Variants in TTN observed in about 807,000 individuals in gnomAD.
The protein encoded by TTN is titin.
TTN carries 1,525 observed loss-of-function variants against 3,223.0 expected under a neutral mutation model. The observed-to-expected ratio is 0.47, with a 90% confidence interval of 0.45 to 0.49. The LOEUF (loss-of-function observed/expected upper bound fraction) is 0.49. Ranked by LOEUF, TTN falls within the 20% of genes least tolerant of loss-of-function variation. The pLI, the probability that TTN is intolerant of heterozygous loss-of-function variation, is 0.00. For synonymous variants in TTN, 14,094 were observed against 15,161.0 expected (o/e 0.93, Z 5.17); for missense variants, 40,786 against 43,424.0 (o/e 0.94, Z 5.40).
chr2:178,554,921 A>G lies in TTN; in HGVS notation c.88538T>C (p.Leu29513Ser), dbSNP rs1318031463. 6.2e-7 allele frequency: 1 copy of G among 1,613,826 alleles called. No homozygotes were observed. The highest frequency in any genetic ancestry group is 8.5e-7 in the Non-Finnish European group (1 of 1,179,844). The stretch of plus-strand genomic sequence containing the variant: ...TGAGCCCATGGCATTCCTTAGTTTT[A>G]ATTCATAGCATCCACTATTAAGGCG... The part of the protein sequence containing the change: ...ADRLNSGCYE[L>S]KLRNAMGSAS... Residue 29513 changes from leucine (L) to serine (S), a missense_variant, in exon 331 of 363, where the codon TTA (leucine) becomes TCA (serine). Coordinates refer to ENST00000589042, the MANE Select transcript of TTN (RefSeq NM_001267550.2).
chr2:178,796,241 C>CT (rs1482546367), intron 6 of TTN, among the ~76,000 whole-genome samples: 1 of 152,146 alleles, frequency 6.6e-6, no homozygotes, highest in African/African-American at 2.4e-5. Context: ...CTTAATAAGG[C>CT]TTATTACATT....
Position 178,597,775 on chromosome 2 carries a change from C to T in TTN, c.57307G>A (p.Val19103Ile). 6 of 1,613,184 alleles carry T rather than the reference C, an allele frequency of 3.7e-6. No homozygotes were observed. Among genetic ancestry groups the T allele is most frequent in the Non-Finnish European group, 5.1e-6 (6 of 1,179,542 alleles). ...QLDASVRDRI[V>I]VHAGGVIRII... ...CGGATCACCCCTCCAGCATGGACAA[C>T]AATTCTATCTCTGACACTGGCATCT... The change falls in exon 294 of 363, where the codon GTT (valine) becomes ATT (isoleucine). Residue 19103 changes from valine to isoleucine, a missense_variant. By Grantham distance (29) the Val-to-Ile change is conservative. Coordinates refer to ENST00000589042, the MANE Select transcript of TTN (RefSeq NM_001267550.2).
At chr2:178,795,764 AT>A (rs1293993408) in intron 6 of TTN, among the ~76,000 whole-genome samples, 1 of 151,886 alleles carries the variant, frequency 6.6e-6, no homozygotes, top group Non-Finnish European at 1.5e-5. Context: ...AGCCTTTACT[AT>A]GTCAGTATGC....
At chr2:178,631,544 A>T (rs1476798866) in intron 236 of TTN, among the ~76,000 whole-genome samples, 1 of 152,094 alleles carries the variant, frequency 6.6e-6, no homozygotes, top group Non-Finnish European at 1.5e-5. Flanking sequence ...AACAGTAGCT[A>T]AAAAGACTGA....
intron 47 of TTN, chr2:178,748,666 C>T (rs2084406171): frequency 2.5e-6 from 4 of 1,612,722 alleles, no homozygotes; most frequent in African/African-American, 1.3e-5. Flanking sequence ...GAGTGTGAAA[C>T]TGCTTTAAGT....
Position 178,792,098 on chromosome 2 carries a change from T to C in TTN, c.1636A>G (p.Lys546Glu). ...ETRISEEITK[K>E]QKQVTQEAIR... is the part of the protein sequence containing the mutation. ...GCTTCTTGAGTTACTTGTTTCTGTTTCTTAGTAATTTCTTCAGAAATTCTA... is the reference window on the plus strand; with the variant it reads ...GCTTCTTGAGTTACTTGTTTCTGTTCCTTAGTAATTTCTTCAGAAATTCTA... Residue 546 changes from lysine to glutamate, a missense_variant, in exon 10 of 363, where the codon AAA becomes GAA. Transcript: ENST00000589042. 1 of 1,612,732 alleles carries C rather than the reference T, an allele frequency of 6.2e-7. No homozygotes were observed. Among genetic ancestry groups the C allele is most frequent in the Non-Finnish European group, 8.5e-7 (1 of 1,179,372 alleles).
chr2:178,553,721 C>A lies in TTN; in HGVS notation c.89284G>T (p.Gly29762Trp), dbSNP rs369701999. 3 of 1,613,684 alleles carry A rather than the reference C, an allele frequency of 1.9e-6. No homozygotes were observed. The South Asian group carries it at 3.3e-5, about 18-fold the overall frequency. Residue 29762 changes from glycine (G) to tryptophan (W), a missense_variant, in exon 334 of 363, where the codon GGG becomes TGG. Physicochemically the swap from Gly to Trp is radical, Grantham distance 184. Coordinates refer to ENST00000589042, the MANE Select transcript of TTN (RefSeq NM_001267550.2). ...TLGWSKPVYD[G>W]GSAVTGYVVE... is the part of the protein sequence containing the mutation. Reference sequence around the variant, plus strand: ...ACATACCCAGTAACAGCACTGCCCCCATCATAGACAGGCTTACTCCAGCCA... The same window carrying A: ...ACATACCCAGTAACAGCACTGCCCCAATCATAGACAGGCTTACTCCAGCCA...
intron 222 of TTN, 39 bp downstream of exon 222, chr2:178,640,008 GA>G (rs1198807758): frequency 6.2e-7 from 1 of 1,605,534 alleles, no homozygotes; most frequent in Admixed American, 1.7e-5. Flanking sequence ...TGTGAATACA[GA>G]AAGAATATGC....
rs201390600 is a variant in TTN, at chr2:178,631,062, A to G, written c.43986T>C (p.Asp14662=). The G allele has an allele frequency of 2.5e-6, 4 of 1,613,122 alleles. No homozygotes were observed. Among genetic ancestry groups the G allele is most frequent in the Non-Finnish European group, 2.5e-6 (3 of 1,179,592 alleles). ...CAATGTCAAGTTTTCCTGAGGTCTTATCTGTCCCACAGTCACAGGTGTACT... is the reference window on the plus strand; with the variant it reads ...CAATGTCAAGTTTTCCTGAGGTCTTGTCTGTCCCACAGTCACAGGTGTACT... ...IGQYTCDCGT[D]KTSGKLDIED... is the part of the protein sequence containing the mutation. The change falls in exon 237 of 363, where the codon GAT becomes GAC. Residue 14662 remains aspartate (D), a synonymous_variant. Transcript: ENST00000589042.
rs768345594 is a variant in TTN, at chr2:178,585,291, G to T, written c.64453C>A (p.Arg21485=). Residue 21485 remains arginine, a synonymous_variant, in exon 309 of 363, where the codon CGA becomes AGA. Coordinates refer to ENST00000589042, the MANE Select transcript of TTN (RefSeq NM_001267550.2). Reference sequence around the variant, plus strand: ...TTTCCATACACATGGGCTTCAATTCGGAGTTTTTTCCCAGCTTTGATAGTT... The same window carrying T: ...TTTCCATACACATGGGCTTCAATTCTGAGTTTTTTCCCAGCTTTGATAGTT... ...QITIKAGKKL[R]IEAHVYGKPH... is the part of the protein sequence containing the mutation. 62 of 1,611,460 alleles carry T rather than the reference G, an allele frequency of 3.8e-5. No homozygotes were observed. In the East Asian group the frequency reaches 1.3e-3, roughly 34 times the overall value.
chr2:178,729,975 A>T (rs1226487999), intron 62 of TTN, 30 bp from the exon 63 acceptor site: 1 of 1,601,272 alleles, frequency 6.2e-7, no homozygotes, highest in Non-Finnish European at 8.5e-7. Flanking sequence ...TGTGATGTTG[A>T]ATATTTTTAA....
chr2:178,764,933 G>A (rs1273703969), intron 41 of TTN, 122 bp from the exon 42 acceptor site: 5 of 1,147,994 alleles, frequency 4.4e-6, no homozygotes, highest in Non-Finnish European at 6.2e-6. Context: ...TTGGAATTGT[G>A]GTATTTTTAC....
rs149492487 is a variant in TTN, at chr2:178,767,872, G to A, written c.9358C>T (p.Arg3120Trp). Residue 3120 changes from arginine (R) to tryptophan (W), a missense_variant, in exon 40 of 363, where the codon CGG (arginine) becomes TGG (tryptophan). Transcript: ENST00000589042. ...YVHRLLIPST[R>W]MSDAGKYTVV... Reference sequence around the variant, plus strand: ...GTGTACTTCCCAGCATCAGACATCCGGGTGGATGGGATCAGAAGGCGGTGG... The same window carrying A: ...GTGTACTTCCCAGCATCAGACATCCAGGTGGATGGGATCAGAAGGCGGTGG... 1.4e-5 allele frequency: 23 copies of A among 1,614,058 alleles called. 1 individual carries two copies. The highest frequency in any genetic ancestry group is 1.1e-4 in the African/African-American group (8 of 75,026).
intron 25 of TTN, 27 bp downstream of exon 25, chr2:178,777,677 T>G: frequency 6.2e-7 from 1 of 1,613,966 alleles, no homozygotes. Context: ...TTTTTATGAT[T>G]CATGAGCAAA....
chr2:178,729,324 C>T lies in TTN; in HGVS notation c.18832G>A (p.Gly6278Ser), dbSNP rs397517488. 1.6e-5 allele frequency: 26 copies of T among 1,611,912 alleles called. No homozygotes were observed. The highest frequency in any genetic ancestry group is 1.6e-4 in the Middle Eastern group (1 of 6,068). The stretch of plus-strand genomic sequence containing the variant: ...ACTCTAGTACTGCATGAGCAGCTGC[C>T]GCCTTCATTGGATACAATGCACTGG... Reference protein sequence around the residue: ...EYQCIVSNEGGSCSCSTRVAL... With the variant: ...EYQCIVSNEGSSCSCSTRVAL... Residue 6278 changes from glycine to serine, a missense_variant, in exon 64 of 363, where the codon GGC becomes AGC. By Grantham distance (56) the Gly-to-Ser change is moderately conservative. Transcript: ENST00000589042.
In TTN at chr2:178,569,542, T is replaced by A. The variant is rs184034300; in HGVS notation, c.76590A>T (p.Leu25530Phe). The change falls in exon 326 of 363, where the codon TTA becomes TTT. Residue 25530 changes from leucine to phenylalanine, a missense_variant. Transcript: ENST00000589042. ...TAGGACGACCTTTTATAGGAACAAA[T>A]AACCTTAAGGAGCCACCTGCCCTTA... ...INIRAGGSLRLFVPIKGRPTP... is the reference protein window; with the variant it reads ...INIRAGGSLRFFVPIKGRPTP... 139 of 1,612,788 alleles carry A rather than the reference T, an allele frequency of 8.6e-5. No individual in the cohort carries two copies. Among genetic ancestry groups the A allele is most frequent in the African/African-American group, 2.7e-5 (2 of 74,882 alleles).
intron 98 of TTN, 92 bp from the exon 99 acceptor site, chr2:178,709,948 T>A (rs1248407672): frequency 7.4e-7 from 1 of 1,354,464 alleles, no homozygotes; most frequent in Admixed American, 2.5e-5. Flanking sequence ...ATATTTTTAG[T>A]TAAAAATCAA....
intron 81 of TTN, 31 bp downstream of exon 81, chr2:178,719,952 A>G: frequency 1.3e-6 from 2 of 1,555,866 alleles, no homozygotes; most frequent in Non-Finnish European, 1.7e-6. Flanking sequence ...AAGTAAATTG[A>G]TTTTTTCTCT....
rs538959125 is a variant in TTN at position 178,714,553 on chromosome 2, T to C, written c.26221A>G (p.Lys8741Glu). The change falls in exon 91 of 363, where the codon AAG becomes GAG. Residue 8741 changes from lysine (K) to glutamate (E), a missense_variant. Transcript: ENST00000589042. ...ALKAPPRFVK[K>E]LSDISTVVGK... is the part of the protein sequence containing the mutation. The stretch of plus-strand genomic sequence containing the variant: ...ACGACAGTAGATATGTCACTGAGCT[T>C]CTTCACAAATCTTGGTGGTGCTGAT... 3.2e-5 allele frequency: 52 copies of C among 1,603,650 alleles called. No individual in the cohort carries two copies. In the East Asian group the frequency reaches 1.0e-3, roughly 32 times the overall value.
Sources: gnomAD v4.1 joint callset for allele counts (sites outside exome capture counted in the v4.1 genomes callset) on GRCh38, gnomAD v4.1.1 for gene constraint, MANE v1.5 for transcripts, NCBI Gene and HGNC (gene_info 2026-07-23, HGNC 2026-07-21) for gene names.